The following GSK3B variants were observed in gnomAD, a reference collection of about 807,000 sequenced individuals.
GSK3B encodes glycogen synthase kinase-3 beta.
A neutral mutation model predicts 56.4 loss-of-function variants in GSK3B; 15 were observed. That is an observed-to-expected ratio of 0.27 (90% CI 0.18 to 0.41). The LOEUF is 0.41. Among genes scored for constraint, GSK3B ranks in the 10% least tolerant of loss-of-function variants. GSK3B has a pLI of 1.00. For synonymous variants in GSK3B, 181 were observed against 188.9 expected (o/e 0.96, Z 0.34); for missense variants, 300 against 513.4 (o/e 0.58, Z 4.02).
At chr3:119,932,180 C>T (rs1576209562) in intron 3 of GSK3B, among the ~76,000 whole-genome samples, 2 of 152,122 alleles carry the variant, frequency 1.3e-5, no homozygotes, top group South Asian at 2.1e-4. Flanking sequence ...TAATGCAATA[C>T]AACATATTAG....
chr3:120,077,567 A>G (rs1224792492), intron 1 of GSK3B, among the ~76,000 whole-genome samples: 1 of 152,154 alleles, frequency 6.6e-6, no homozygotes, highest in Non-Finnish European at 1.5e-5. Context: ...GATCTAATGT[A>G]CAACATGAAG....
intron 10 of GSK3B, among the ~76,000 whole-genome samples, chr3:119,839,063 G>A (rs1310597920): frequency 2.0e-5 from 3 of 152,144 alleles, no homozygotes; most frequent in Non-Finnish European, 4.4e-5. Flanking sequence ...GTGATATTTT[G>A]TTGTACTAGT....
chr3:119,827,466 G>A (rs563971441), intron 10 of GSK3B, among the ~76,000 whole-genome samples: 1 of 151,900 alleles, frequency 6.6e-6, no homozygotes, highest in South Asian at 2.1e-4. Context: ...ACACAATGGG[G>A]TAATATGTAG....
At chr3:120,031,038 ATAATG>A (rs1469002788) in intron 1 of GSK3B, among the ~76,000 whole-genome samples, 1 of 152,248 alleles carries the variant, frequency 6.6e-6, no homozygotes, top group African/African-American at 2.4e-5. Context: ...TGTCTCAAAC[ATAATG>A]TAACTAGACC....
At chr3:119,995,837 A>G (rs973665625) in intron 2 of GSK3B, among the ~76,000 whole-genome samples, 13 of 151,514 alleles carry the variant, frequency 8.6e-5, no homozygotes, top group Non-Finnish European at 1.8e-4. Flanking sequence ...TCCCAGGTTC[A>G]AGTAATTCTC....
At chr3:120,063,021 A>G (rs1284747596) in intron 1 of GSK3B, among the ~76,000 whole-genome samples, 1 of 152,246 alleles carries the variant, frequency 6.6e-6, no homozygotes, top group Non-Finnish European at 1.5e-5. Context: ...TCTTATTTAT[A>G]TTCAGGACTC....
rs558150565 is a variant in GSK3B at position 120,053,185 on chromosome 3, A to C, written c.88+40162T>G. 3.3e-5 allele frequency among the ~76,000 whole-genome samples: 5 copies of C among 152,176 alleles called. No homozygotes were observed. In the East Asian group the frequency reaches 9.7e-4, roughly 29 times the overall value. On this transcript the variant is annotated intron_variant, in intron 1 of 10. Coordinates refer to ENST00000264235, the MANE Select transcript of GSK3B (RefSeq NM_001146156.2). Reference sequence around the variant, plus strand: ...AACCTCTTCTCTACTAAAAATACAAAAATTAGCCGGGTGTGTTGGCGGGAG... The same window carrying C: ...AACCTCTTCTCTACTAAAAATACAACAATTAGCCGGGTGTGTTGGCGGGAG...
intron 1 of GSK3B, among the ~76,000 whole-genome samples, chr3:120,073,938 C>T (rs1330238681): frequency 6.6e-6 from 1 of 152,088 alleles, no homozygotes; most frequent in African/African-American, 2.4e-5. Flanking sequence ...CCTTAGACTA[C>T]ACAAAAAGAG....
chr3:120,076,219 A>G (rs1447335454), intron 1 of GSK3B, among the ~76,000 whole-genome samples: 1 of 152,230 alleles, frequency 6.6e-6, no homozygotes, highest in Non-Finnish European at 1.5e-5. Context: ...CAAAATGGAT[A>G]AAAACCTAAA....
intron 2 of GSK3B, among the ~76,000 whole-genome samples, chr3:119,990,540 T>A (rs1559866652): frequency 1.3e-5 from 2 of 152,202 alleles, no homozygotes; most frequent in Admixed American, 6.5e-5. Flanking sequence ...TCTGGCACTG[T>A]CTCCAGAATA....
chr3:119,834,002 A>T (rs2055648095), intron 10 of GSK3B, among the ~76,000 whole-genome samples: 1 of 152,050 alleles, frequency 6.6e-6, no homozygotes, highest in African/African-American at 2.4e-5. Flanking sequence ...CCCGCCAGGT[A>T]TATTTTTATT....
At chr3:119,853,515 A>AG (rs1256957384) in intron 9 of GSK3B, among the ~76,000 whole-genome samples, 1 of 152,194 alleles carries the variant, frequency 6.6e-6, no homozygotes, top group African/African-American at 2.4e-5. Flanking sequence ...CTTGGGCAGT[A>AG]GGGCCATTTT....
intron 1 of GSK3B, among the ~76,000 whole-genome samples, chr3:120,080,956 A>G (rs1332630258): frequency 6.6e-6 from 1 of 152,202 alleles, no homozygotes; most frequent in Non-Finnish European, 1.5e-5. Flanking sequence ...TCTTTTGCAG[A>G]GTAAGCTACT....
At chr3:120,087,194 C>T (rs2058469997) in intron 1 of GSK3B, among the ~76,000 whole-genome samples, 1 of 152,140 alleles carries the variant, frequency 6.6e-6, no homozygotes, top group African/African-American at 2.4e-5. Context: ...CACAATTCCA[C>T]ATTGATGCAT....
intron 2 of GSK3B, among the ~76,000 whole-genome samples, chr3:119,959,044 G>A (rs916650210): frequency 3.3e-5 from 5 of 152,156 alleles, no homozygotes; most frequent in African/African-American, 1.2e-4. Context: ...ATGATTGGTT[G>A]ACTCCCTCTC....
At chr3:119,845,840 G>T (rs1284351480) in intron 9 of GSK3B, among the ~76,000 whole-genome samples, 1 of 152,124 alleles carries the variant, frequency 6.6e-6, no homozygotes, top group East Asian at 1.9e-4. Context: ...AACCAAAAAA[G>T]AGCCCGTATA....
chr3:120,035,700 T>A (rs1375494748), intron 1 of GSK3B, among the ~76,000 whole-genome samples: 1 of 152,228 alleles, frequency 6.6e-6, no homozygotes, highest in Non-Finnish European at 1.5e-5. Flanking sequence ...TATACTTCTG[T>A]TAAATGTATT....
chr3:119,968,636 A>T (rs1294409956), intron 2 of GSK3B, among the ~76,000 whole-genome samples: 1 of 152,218 alleles, frequency 6.6e-6, no homozygotes, highest in Admixed American at 6.5e-5. Context: ...AAAAAACTCT[A>T]CAGCTAACAT....
At chr3:120,068,058 G>T (rs1056895801) in intron 1 of GSK3B, among the ~76,000 whole-genome samples, 1 of 152,108 alleles carries the variant, frequency 6.6e-6, no homozygotes, top group Admixed American at 6.6e-5. Context: ...GAAACAAATA[G>T]TATTTTCCAA....
Sources: gnomAD v4.1 joint callset for allele counts (sites outside exome capture counted in the v4.1 genomes callset) on GRCh38, gnomAD v4.1.1 for gene constraint, MANE v1.5 for transcripts, NCBI Gene and HGNC (gene_info 2026-07-23, HGNC 2026-07-21) for gene names.